ZNF148: variants seen among roughly 807,000 people sequenced by gnomAD.
ZNF148 encodes zinc finger protein 148, also known as Beta-Enolase Repressor Factor-1.
A neutral mutation model predicts 67.7 loss-of-function variants in ZNF148; 7 were observed. The observed-to-expected ratio is 0.10, with a 90% CI of 0.06 to 0.19. ZNF148 has a LOEUF of 0.19. Ranked by LOEUF, ZNF148 falls within the 10% of genes least tolerant of loss-of-function variation. The probability of loss-of-function intolerance (pLI) is 1.00; values close to 1 mark genes in which losing one functional copy is unlikely to be tolerated. For missense variants in ZNF148, 583 were observed against 947.1 expected (o/e 0.62, Z 5.05); for synonymous variants, 333 against 330.7 (o/e 1.01, Z -0.08).
chr3:125,304,389 A>G (rs1376842034), intron 4 of ZNF148, among the ~76,000 whole-genome samples: 1 of 152,088 alleles, frequency 6.6e-6, no homozygotes, highest in Non-Finnish European at 1.5e-5. Flanking sequence ...AGTGCAATGT[A>G]TCTAAGTAAG....
intron 7 of ZNF148, among the ~76,000 whole-genome samples, chr3:125,253,348 G>A (rs1381521024): frequency 6.6e-6 from 1 of 152,122 alleles, no homozygotes; most frequent in Non-Finnish European, 1.5e-5. Context: ...GATAACTGAT[G>A]AATTTACTAT....
intron 5 of ZNF148, among the ~76,000 whole-genome samples, chr3:125,285,970 A>G (rs563047385): frequency 1.3e-5 from 2 of 152,342 alleles, no homozygotes; most frequent in South Asian, 2.1e-4. Flanking sequence ...ACAAATACCT[A>G]GAACATATCA....
At chr3:125,314,105 T>G (rs1041922763) in intron 3 of ZNF148, among the ~76,000 whole-genome samples, 3 of 152,042 alleles carry the variant, frequency 2.0e-5, no homozygotes, top group African/African-American at 7.2e-5. Context: ...TCAGCAGTAA[T>G]CCAAGAAATT....
chr3:125,342,691 A>C (rs1323985732), intron 1 of ZNF148, among the ~76,000 whole-genome samples: 1 of 152,222 alleles, frequency 6.6e-6, no homozygotes, highest in Non-Finnish European at 1.5e-5. Flanking sequence ...GAATGTTGAA[A>C]TATCAAAGAA....
chr3:125,366,747 T>G (rs1942715491), intron 1 of ZNF148, among the ~76,000 whole-genome samples: 1 of 152,196 alleles, frequency 6.6e-6, no homozygotes, highest in African/African-American at 2.4e-5. Flanking sequence ...TCTCCTGGGC[T>G]TCTCACCTCC....
At chr3:125,283,424 A>C (rs1579701148) in intron 5 of ZNF148, among the ~76,000 whole-genome samples, 3 of 152,146 alleles carry the variant, frequency 2.0e-5, no homozygotes, top group East Asian at 3.8e-4. Context: ...TTTTAGAAAA[A>C]GGCTGTTTCT....
chr3:125,356,360 T>C (rs929531263), intron 1 of ZNF148, among the ~76,000 whole-genome samples: 4 of 152,292 alleles, frequency 2.6e-5, no homozygotes, highest in African/African-American at 9.6e-5. Context: ...AACAGACTGG[T>C]AATCTCAAGC....
At chr3:125,306,585 T>C (rs1484071380) in intron 4 of ZNF148, among the ~76,000 whole-genome samples, 3 of 152,198 alleles carry the variant, frequency 2.0e-5, no homozygotes, top group East Asian at 3.8e-4. Context: ...TTATGTTTTT[T>C]TAAATAAAAT....
At chr3:125,293,485 T>G (rs72973843) in intron 4 of ZNF148, among the ~76,000 whole-genome samples, 371 of 152,276 alleles carry the variant, frequency 2.4e-3, no homozygotes, top group African/African-American at 8.7e-3. Flanking sequence ...CAGAGTTCTC[T>G]GAGAAGTGGT....
chr3:125,239,961 GGTTT>G (rs1396493501), intron 7 of ZNF148, among the ~76,000 whole-genome samples: 1 of 152,154 alleles, frequency 6.6e-6, no homozygotes, highest in Admixed American at 6.5e-5. Flanking sequence ...AACAGGTATA[GGTTT>G]TCTTCTGGGG....
intron 7 of ZNF148, among the ~76,000 whole-genome samples, chr3:125,262,096 T>G (rs1169215487): frequency 6.6e-6 from 1 of 152,184 alleles, no homozygotes. Context: ...AAATGTATGT[T>G]AATGCTGATC....
chr3:125,230,149 A>C lies in ZNF148; in HGVS notation c.*2192T>G, dbSNP rs750364428. ...AAAACTATGCTGGTGATGTTAAAAC[A>C]ACCGAAAAAAACCTCTCCACTGTAT... On this transcript the variant is annotated 3_prime_UTR_variant, in exon 9 of 9. Coordinates refer to ENST00000360647, the MANE Select transcript of ZNF148 (RefSeq NM_021964.3). 4 of 152,480 alleles carry C rather than the reference A, an allele frequency of 2.6e-5. No individual in the cohort carries two copies. The highest frequency in any genetic ancestry group is 5.9e-5 in the Non-Finnish European group (4 of 67,994). The allele number at this position is 152,480 out of a possible 1,614,324, so 9.4% of individuals were successfully genotyped here. A position where few individuals can be genotyped will look rare whatever the true frequency, so the allele number is the denominator to read the frequency against.
At chr3:125,250,963 A>C (rs545184704) in intron 7 of ZNF148, among the ~76,000 whole-genome samples, 4 of 152,318 alleles carry the variant, frequency 2.6e-5, no homozygotes, top group African/African-American at 9.6e-5. Flanking sequence ...TCCCTCGCTT[A>C]TCACCCAGCT....
At chr3:125,328,796 A>C (rs1408966737) in intron 2 of ZNF148, among the ~76,000 whole-genome samples, 1 of 151,952 alleles carries the variant, frequency 6.6e-6, no homozygotes, top group Admixed American at 6.6e-5. Context: ...ACTCATAAGA[A>C]AAGAAAAGCT....
At chr3:125,344,538 T>C (rs1200109145) in intron 1 of ZNF148, 6 of 1,103,380 alleles carry the variant, frequency 5.4e-6, no homozygotes, top group Middle Eastern at 2.0e-4. Context: ...CAAACTCAAA[T>C]GGACTGTCAA....
At chr3:125,371,786 C>T (rs1019897526) in intron 1 of ZNF148, among the ~76,000 whole-genome samples, 7 of 151,490 alleles carry the variant, frequency 4.6e-5, no homozygotes, top group African/African-American at 1.7e-4. Flanking sequence ...GCAATCAGGC[C>T]GGGCGCGGAG....
intron 7 of ZNF148, among the ~76,000 whole-genome samples, chr3:125,236,802 G>A (rs1365698264): frequency 6.6e-6 from 1 of 152,144 alleles, no homozygotes; most frequent in Non-Finnish European, 1.5e-5. Flanking sequence ...CTCAAAATTA[G>A]TACAGAATAG....
chr3:125,259,823 C>T (rs1937255913), intron 7 of ZNF148, among the ~76,000 whole-genome samples: 1 of 152,150 alleles, frequency 6.6e-6, no homozygotes, highest in Non-Finnish European at 1.5e-5. Context: ...GGCTTACTGG[C>T]ACAAGAGACC....
chr3:125,369,811 A>G (rs557971227), intron 1 of ZNF148, among the ~76,000 whole-genome samples: 7 of 152,112 alleles, frequency 4.6e-5, no homozygotes, highest in East Asian at 1.9e-4. Flanking sequence ...CCCCACCTCT[A>G]CTAAAAATAC....
Sources: allele counts gnomAD v4.1 joint callset (sites outside exome capture counted in the v4.1 genomes callset), GRCh38; gene constraint gnomAD v4.1.1; transcripts MANE v1.5; gene names NCBI Gene and HGNC (gene_info 2026-07-23, HGNC 2026-07-21).